The following CPNE5 variants were observed in gnomAD, a reference collection of about 807,000 sequenced individuals.
CPNE5 encodes the protein copine-5.
In CPNE5, 42 loss-of-function variants were observed where a neutral mutation model predicts 81.1. The observed-to-expected ratio is 0.52, with a 90% CI of 0.40 to 0.67. The LOEUF (loss-of-function observed/expected upper bound fraction) is 0.67, where lower values mean the gene tolerates loss of function less well. Among genes scored for constraint, CPNE5 ranks in the 30% least tolerant of loss-of-function variants. The pLI is 0.00. For missense variants in CPNE5, 612 were observed against 815.5 expected, an observed-to-expected ratio of 0.75 and a Z score of 3.04; for synonymous variants, 313 against 321.5, an observed-to-expected ratio of 0.97 and a Z score of 0.28.
At chr6:36,765,204 A>C in intron 11 of CPNE5, 131 bp downstream of exon 11, 3 of 846,632 alleles carry the variant, frequency 3.5e-6, no homozygotes, top group Non-Finnish European at 1.8e-6. Context: ...ACACACACGC[A>C]AACCCAGGCT....
Position 36,762,978 on chromosome 6 carries a change from C to T in CPNE5, c.794G>A (p.Gly265Glu). 1 of 1,614,194 alleles carries T rather than the reference C, an allele frequency of 6.2e-7. No homozygotes were observed. The highest frequency in any genetic ancestry group is 8.5e-7 in the Non-Finnish European group (1 of 1,180,032). ...CTCCCGGTAACTGGTGGTGAACTCC[C>T]CAATGAAGTCATGGCTGCAAGGGAA... Reference protein sequence around the residue: ...WDRDGSHDFIGEFTTSYRELA... With the variant: ...WDRDGSHDFIEEFTTSYRELA... The change falls in exon 12 of 21, where the codon GGG becomes GAG. Residue 265 changes from glycine (G) to glutamate (E), a missense_variant. Coordinates refer to ENST00000244751, the MANE Select transcript of CPNE5 (RefSeq NM_020939.2).
chr6:36,789,053 C>T (rs781071602), intron 8 of CPNE5, among the ~76,000 whole-genome samples: 2 of 152,188 alleles, frequency 1.3e-5, no homozygotes, highest in Admixed American at 6.5e-5. Context: ...GCTGGAAAGA[C>T]GAAGCAAAGC....
At chr6:36,762,803 C>T in intron 12 of CPNE5, 114 bp downstream of exon 12, 1 of 824,274 alleles carries the variant, frequency 1.2e-6, no homozygotes, top group Non-Finnish European at 2.0e-6. Flanking sequence ...GGACAATAAC[C>T]CCTTTCTCAC....
At chr6:36,773,105 A>T (rs1262930778) in intron 10 of CPNE5, among the ~76,000 whole-genome samples, 6 of 151,628 alleles carry the variant, frequency 4.0e-5, no homozygotes, top group African/African-American at 1.5e-4. Flanking sequence ...GCTGGTCTTG[A>T]ACTCCTGGAT....
intron 8 of CPNE5, among the ~76,000 whole-genome samples, chr6:36,783,793 T>G (rs1768273284): frequency 6.6e-6 from 1 of 152,166 alleles, no homozygotes; most frequent in Non-Finnish European, 1.5e-5. Context: ...GAATTACAGA[T>G]GTGAGCCACT....
intron 20 of CPNE5, chr6:36,743,293 C>G: frequency 3.2e-6 from 3 of 940,480 alleles, no homozygotes; most frequent in Non-Finnish European, 3.8e-6. Flanking sequence ...GAGATGCTTA[C>G]ATTGATTCAG....
chr6:36,830,546 T>G (rs1375355043), intron 1 of CPNE5, among the ~76,000 whole-genome samples: 1 of 152,202 alleles, frequency 6.6e-6, no homozygotes, highest in East Asian at 1.9e-4. Flanking sequence ...TAAAAAGCAA[T>G]TTTCACATGG....
At chr6:36,742,511 G>A in intron 20 of CPNE5, 25 bp from the exon 21 acceptor site, 1 of 1,600,176 alleles carries the variant, frequency 6.2e-7, no homozygotes, top group Non-Finnish European at 8.5e-7. Flanking sequence ...GGCAGGGTCA[G>A]GCAGTGCCTC....
At chr6:36,839,893 T>C (rs2150644225), upstream of CPNE5, 1 of 151,164 alleles carries the variant, frequency 6.6e-6, no homozygotes, top group South Asian at 2.1e-4. The surrounding 1 kb of genome is among the most constrained non-coding windows in gnomAD (Gnocchi z 7.3). Context: ...CGCCTCTCCC[T>C]GGGTCTTGGC....
At chr6:36,810,524 G>A (rs1771008758) in intron 3 of CPNE5, among the ~76,000 whole-genome samples, 3 of 152,366 alleles carry the variant, frequency 2.0e-5, no homozygotes, top group East Asian at 3.9e-4. Flanking sequence ...GCTGGCCCTG[G>A]GAATAGGAGC....
intron 12 of CPNE5, among the ~76,000 whole-genome samples, chr6:36,759,935 G>T (rs1765857109): frequency 6.6e-6 from 1 of 152,006 alleles, no homozygotes; most frequent in Admixed American, 6.5e-5. Context: ...AGCCAGGCGT[G>T]GTGGCTCACA....
Position 36,756,302 on chromosome 6 carries a change from C to A in CPNE5, c.856-4G>T, listed in dbSNP as rs1765455787. The A allele has an allele frequency of 1.2e-6, 2 of 1,613,396 alleles. No homozygotes were observed. Among genetic ancestry groups the A allele is most frequent in the Non-Finnish European group, 1.7e-6 (2 of 1,179,700 alleles). ...TTTTCTTTTTCGGGTTTACCACCTGCAGGAAAAACCAGTTACCAGGTAAGG... is the reference window on the plus strand; with the variant it reads ...TTTTCTTTTTCGGGTTTACCACCTGAAGGAAAAACCAGTTACCAGGTAAGG... On this transcript the variant is annotated splice_polypyrimidine_tract_variant and splice_region_variant and intron_variant, in intron 12 of 20. Coordinates refer to ENST00000244751, the MANE Select transcript of CPNE5 (RefSeq NM_020939.2).
intron 3 of CPNE5, among the ~76,000 whole-genome samples, chr6:36,820,862 G>T (rs796223874): frequency 6.6e-6 from 1 of 151,960 alleles, no homozygotes; most frequent in African/African-American, 2.4e-5. Flanking sequence ...CCGGAGGATC[G>T]TTTGAGCCCA....
At chr6:36,773,854 TA>T (rs1767258834) in intron 10 of CPNE5, among the ~76,000 whole-genome samples, 1 of 151,998 alleles carries the variant, frequency 6.6e-6, no homozygotes, top group Non-Finnish European at 1.5e-5. Flanking sequence ...AGGCATATGT[TA>T]AAACAAAAAA....
rs1763578939 is a variant in CPNE5, at chr6:36,741,400, A to T, written c.*868T>A. ...CCCAGGACTCCTGTCTCCTAGCCTC[A>T]TGGGATACAGGGCAAAGAGCAGGAG... On this transcript the variant is annotated 3_prime_UTR_variant, in exon 21 of 21. Transcript: ENST00000244751. 1 of 152,176 alleles carries T rather than the reference A, an allele frequency of 6.6e-6. No individual in the cohort carries two copies. Among genetic ancestry groups the T allele is most frequent in the Admixed American group, 6.5e-5 (1 of 15,286 alleles). The allele number at this position is 152,176 out of a possible 1,614,324, so 9.4% of individuals were successfully genotyped here.
At chr6:36,812,855 G>T (rs1429778671) in intron 3 of CPNE5, among the ~76,000 whole-genome samples, 2 of 152,230 alleles carry the variant, frequency 1.3e-5, no homozygotes, top group African/African-American at 2.4e-5. Context: ...AGTCCAGAAA[G>T]CCTACCCCAA....
chr6:36,784,323 C>T (rs989487689), intron 8 of CPNE5, among the ~76,000 whole-genome samples: 14 of 152,214 alleles, frequency 9.2e-5, no homozygotes, highest in Non-Finnish European at 1.6e-4. Flanking sequence ...AGAGAAATTT[C>T]TAGACTGAAA....
At chr6:36,750,842 C>T (rs1369951050) in intron 14 of CPNE5, among the ~76,000 whole-genome samples, 1 of 152,178 alleles carries the variant, frequency 6.6e-6, no homozygotes, top group Admixed American at 6.5e-5. Flanking sequence ...GAAAGGCAGG[C>T]CTTGCTCTAA....
chr6:36,783,049 C>T (rs1441536822), intron 8 of CPNE5, among the ~76,000 whole-genome samples: 1 of 152,160 alleles, frequency 6.6e-6, no homozygotes, highest in East Asian at 1.9e-4. Context: ...TCCTGGTCCA[C>T]AGTGCCTCAC....
Sources: allele counts gnomAD v4.1 joint callset (sites outside exome capture counted in the v4.1 genomes callset), GRCh38; gene constraint gnomAD v4.1.1; non-coding constraint Gnocchi (gnomAD v3.1); transcripts MANE v1.5; gene names NCBI Gene and HGNC (gene_info 2026-07-23, HGNC 2026-07-21).